ZC3H18: variants seen among roughly 807,000 people sequenced by gnomAD.
The protein encoded by ZC3H18 is zinc finger CCCH-type containing 18.
ZC3H18 carries 8 observed loss-of-function variants against 106.1 expected under a neutral mutation model. The observed-to-expected ratio is 0.08, with a 90% CI of 0.04 to 0.14. ZC3H18 has a LOEUF of 0.14. ZC3H18 is among the 10% of genes least tolerant of loss of function. The pLI, the probability that ZC3H18 is intolerant of heterozygous loss-of-function variation, is 1.00. For missense variants in ZC3H18, 1,318 were observed against 1,278.4 expected (o/e 1.03, Z -0.47); for synonymous variants, 635 against 522.1 (o/e 1.22, Z -2.95).
rs111815440 is a variant in ZC3H18 at position 88,631,363 on chromosome 16, T to C, written c.*64T>C. The C allele has an allele frequency of 9.2e-4, 1,418 of 1,536,230 alleles. 7 individuals carry two copies. The African/African-American group carries it at 0.016, about 17-fold the overall frequency. On this transcript the variant is annotated 3_prime_UTR_variant, in exon 18 of 18. Coordinates refer to ENST00000301011, the MANE Select transcript of ZC3H18 (RefSeq NM_144604.4). ...GGGTAAGCGCAGCCATTTTGGATTT[T>C]GCAGTTAATGTCTTATTTTGGCTGT...
intron 3 of ZC3H18, among the ~76,000 whole-genome samples, chr16:88,594,005 C>T (rs907466704): frequency 2.0e-5 from 3 of 152,146 alleles, no homozygotes; most frequent in African/African-American, 7.2e-5. Flanking sequence ...TGTAAGGAGC[C>T]TTCCCTTGCT....
chr16:88,608,169 C>T (rs532277568), intron 6 of ZC3H18, among the ~76,000 whole-genome samples: 5 of 152,254 alleles, frequency 3.3e-5, no homozygotes, highest in Admixed American at 6.5e-5. Context: ...TCCTTGTTTT[C>T]GTGTTCTTGT....
chr16:88,626,870 G>C (rs1442678370), intron 13 of ZC3H18, among the ~76,000 whole-genome samples: 7 of 152,200 alleles, frequency 4.6e-5, no homozygotes, highest in Admixed American at 1.3e-4. Flanking sequence ...CTACAGACCT[G>C]CTGTTTCCAG....
chr16:88,571,329 G>T (rs1230972329), intron 1 of ZC3H18, among the ~76,000 whole-genome samples: 1 of 152,216 alleles, frequency 6.6e-6, no homozygotes, highest in Non-Finnish European at 1.5e-5. Flanking sequence ...TGGGAAAATG[G>T]AAGAAGAGAG....
At chr16:88,600,027 C>T (rs1904664645) in intron 6 of ZC3H18, 79 bp downstream of exon 6, 1 of 1,537,210 alleles carries the variant, frequency 6.5e-7, no homozygotes, top group South Asian at 1.2e-5. Flanking sequence ...ATGTGCAGGG[C>T]CCCAGGGTGC....
intron 5 of ZC3H18, among the ~76,000 whole-genome samples, chr16:88,599,261 T>C (rs1904619011): frequency 6.6e-6 from 1 of 152,230 alleles, no homozygotes. Context: ...CTGCTCTTCC[T>C]GGAGAAAACT....
chr16:88,587,583 A>T, intron 3 of ZC3H18: 1 of 1,536,140 alleles, frequency 6.5e-7, no homozygotes. Context: ...ACCAATATCC[A>T]ATTCCATACC....
chr16:88,576,040 A>G (rs1056404989), intron 1 of ZC3H18, among the ~76,000 whole-genome samples: 2 of 152,126 alleles, frequency 1.3e-5, no homozygotes, highest in African/African-American at 4.8e-5. Context: ...AGCTGGGACT[A>G]CAGGCGCCTG....
At chr16:88,606,463 A>G (rs996907135) in intron 6 of ZC3H18, among the ~76,000 whole-genome samples, 2 of 152,226 alleles carry the variant, frequency 1.3e-5, no homozygotes, top group African/African-American at 4.8e-5. Flanking sequence ...TTGCTTAAGT[A>G]CAGTTTCCCA....
At chr16:88,570,880 C>T (rs1484463055) in intron 1 of ZC3H18, among the ~76,000 whole-genome samples, 1 of 152,268 alleles carries the variant, frequency 6.6e-6, no homozygotes, top group Admixed American at 6.5e-5. Flanking sequence ...TTCCGGGCCA[C>T]TCGCGTGGCA....
intron 3 of ZC3H18, among the ~76,000 whole-genome samples, chr16:88,590,882 T>C (rs528959145): frequency 6.6e-6 from 1 of 151,552 alleles, no homozygotes; most frequent in Non-Finnish European, 1.5e-5. Context: ...TTCTGATTTA[T>C]CCCTCAGTGA....
rs201381169 is a variant in ZC3H18, at chr16:88,627,607, T to C, written c.2109-15T>C. 2.3e-5 allele frequency: 37 copies of C among 1,591,278 alleles called. No homozygotes were observed. In the African/African-American group the frequency reaches 4.2e-4, roughly 18 times the overall value. On this transcript the variant is annotated splice_polypyrimidine_tract_variant and intron_variant, in intron 13 of 17. Coordinates refer to ENST00000301011, the MANE Select transcript of ZC3H18 (RefSeq NM_144604.4). The surrounding 1 kb of genome is among the most constrained non-coding windows in gnomAD (Gnocchi z 4.5). The stretch of plus-strand genomic sequence containing the variant: ...AGTCTGGCTGGGGTGTGGTGAGATG[T>C]GCTTGTGTGTCCAGGTCCCTGAGCG...
At chr16:88,573,514 C>T (rs1276296853) in intron 1 of ZC3H18, among the ~76,000 whole-genome samples, 1 of 151,930 alleles carries the variant, frequency 6.6e-6, no homozygotes, top group Non-Finnish European at 1.5e-5. Flanking sequence ...ATCAAGCGCC[C>T]CTGTGATACT....
At chr16:88,604,555 G>A (rs901291761) in intron 6 of ZC3H18, among the ~76,000 whole-genome samples, 32 of 151,466 alleles carry the variant, frequency 2.1e-4, no homozygotes, top group South Asian at 4.2e-4. Context: ...GCGTGGTGGC[G>A]GACACCTGTA....
chr16:88,610,696 T>G (rs1905228927), intron 7 of ZC3H18, among the ~76,000 whole-genome samples: 2 of 152,162 alleles, frequency 1.3e-5, no homozygotes, highest in African/African-American at 4.8e-5. Flanking sequence ...AGAGGAAAAG[T>G]TGGAAAGGGC....
chr16:88,608,252 G>T (rs894327729), intron 6 of ZC3H18, among the ~76,000 whole-genome samples: 12 of 152,304 alleles, frequency 7.9e-5, no homozygotes, highest in African/African-American at 2.9e-4. Flanking sequence ...GAGACTCCTG[G>T]GGGAGCTCCT....
intron 10 of ZC3H18, 174 bp from the exon 11 acceptor site, chr16:88,623,784 C>A: frequency 7.9e-7 from 1 of 1,264,476 alleles, no homozygotes; most frequent in Non-Finnish European, 1.1e-6. Flanking sequence ...CTCTGGTCTA[C>A]TCTGGGCCTG....
chr16:88,628,872 T>C lies in ZC3H18; in HGVS notation c.2566+18T>C, dbSNP rs748651525. 1.9e-6 allele frequency: 3 copies of C among 1,612,806 alleles called. No individual in the cohort carries two copies. In the African/African-American group the frequency reaches 4.0e-5, roughly 22 times the overall value. ...AGACCGAGGTGAGCCTCCCAGCCCC[T>C]AGGGGGCAGGGCAGAGGGACGGGAG... On this transcript the variant is annotated intron_variant, in intron 16 of 17. Coordinates refer to ENST00000301011, the MANE Select transcript of ZC3H18 (RefSeq NM_144604.4).
rs777106496 is a variant in ZC3H18 at position 88,611,488 on chromosome 16, G to GGGAGAA, written c.1436_1441dup (p.Glu479_Lys480dup). On this transcript the variant is annotated inframe_insertion, in exon 8 of 18. Transcript: ENST00000301011. The stretch of plus-strand genomic sequence containing the variant: ...CGTGACCGCGACCGGGAGAAGGAGC[G>GGGAGAA]GGAGAAGGAGAAGGGGAAGCCCAAG... The GGGAGAA allele has an allele frequency of 6.4e-7, 1 of 1,550,722 alleles. No individual in the cohort carries two copies. The highest frequency in any genetic ancestry group is 8.7e-7 in the Non-Finnish European group (1 of 1,146,600).
Sources: gnomAD v4.1 joint callset for allele counts (sites outside exome capture counted in the v4.1 genomes callset) on GRCh38, gnomAD v4.1.1 for gene constraint, Gnocchi (gnomAD v3.1) non-coding constraint, MANE v1.5 for transcripts, NCBI Gene and HGNC (gene_info 2026-07-23, HGNC 2026-07-21) for gene names.